BBS9: variants seen among roughly 807,000 people sequenced by gnomAD.
The protein encoded by BBS9 is protein PTHB1.
A neutral mutation model predicts 117.7 loss-of-function variants in BBS9; 89 were observed. The observed-to-expected ratio is 0.76, with a 90% CI of 0.64 to 0.90. BBS9 has a LOEUF of 0.90. Ranked by LOEUF, BBS9 falls within the 40% of genes least tolerant of loss-of-function variation. The probability of loss-of-function intolerance (pLI) is 0.00; values close to 1 mark genes in which losing one functional copy is unlikely to be tolerated. For synonymous variants in BBS9, 379 were observed against 370.9 expected, an observed-to-expected ratio of 1.02 and a Z score of -0.25; for missense variants, 982 against 1,042.2, an observed-to-expected ratio of 0.94 and a Z score of 0.80.
At chr7:33,333,990 G>A (rs1012952031) in intron 9 of BBS9, among the ~76,000 whole-genome samples, 1 of 152,088 alleles carries the variant, frequency 6.6e-6, no homozygotes, top group Non-Finnish European at 1.5e-5. Context: ...AAGACATTCT[G>A]GTGAAATTTG....
chr7:33,190,985 G>C (rs78242945), intron 5 of BBS9, among the ~76,000 whole-genome samples: 1 of 152,192 alleles, frequency 6.6e-6, no homozygotes, highest in Non-Finnish European at 1.5e-5. Context: ...CTTTATTTGC[G>C]TGGTGCTTTG....
chr7:33,247,636 C>G (rs1795551121), intron 5 of BBS9, among the ~76,000 whole-genome samples: 1 of 152,152 alleles, frequency 6.6e-6, no homozygotes, highest in Non-Finnish European at 1.5e-5. Context: ...TATCTCTGTT[C>G]TTACATTGTT....
intron 19 of BBS9, among the ~76,000 whole-genome samples, chr7:33,452,387 A>G (rs1455490222): frequency 6.6e-6 from 1 of 151,956 alleles, no homozygotes. Flanking sequence ...CTTTTCCCTC[A>G]CCAAGAACTA....
intron 4 of BBS9, among the ~76,000 whole-genome samples, chr7:33,164,646 T>C (rs1407434591): frequency 6.6e-6 from 1 of 152,206 alleles, no homozygotes; most frequent in African/African-American, 2.4e-5. Flanking sequence ...GAGACTAGGA[T>C]TGCAACCCCT....
chr7:33,503,058 C>T (rs572191489), intron 19 of BBS9, among the ~76,000 whole-genome samples: 3 of 152,106 alleles, frequency 2.0e-5, no homozygotes, highest in African/African-American at 7.2e-5. Context: ...TGAATTTTAC[C>T]ATTAATCGTT....
At chr7:33,404,002 G>A (rs541387587) in intron 19 of BBS9, among the ~76,000 whole-genome samples, 187 of 152,192 alleles carry the variant, frequency 1.2e-3, no homozygotes, top group African/African-American at 4.3e-3. Context: ...TTTAATGATT[G>A]CCATTCTAAC....
intron 19 of BBS9, among the ~76,000 whole-genome samples, chr7:33,426,779 G>A (rs1342472533): frequency 6.6e-6 from 1 of 152,140 alleles, no homozygotes; most frequent in African/African-American, 2.4e-5. Flanking sequence ...CATTCCATGA[G>A]TGCCTAGTTG....
intron 20 of BBS9, chr7:33,533,676 C>G (rs1850931672): frequency 2.0e-6 from 1 of 490,920 alleles, no homozygotes; most frequent in Non-Finnish European, 3.7e-6. Flanking sequence ...CAGAGCTAAA[C>G]CCTTCTCATA....
At chr7:33,234,699 CCACA>C (rs58160238) in intron 5 of BBS9, among the ~76,000 whole-genome samples, 2 of 149,784 alleles carry the variant, frequency 1.3e-5, no homozygotes, top group South Asian at 2.1e-4. Flanking sequence ...CTCCATCTAT[CCACA>C]CACACACACA....
intron 5 of BBS9, among the ~76,000 whole-genome samples, chr7:33,226,976 C>T (rs1230577824): frequency 6.6e-6 from 1 of 152,060 alleles, no homozygotes; most frequent in Non-Finnish European, 1.5e-5. Flanking sequence ...TGGTGGATTG[C>T]ACAATGCACT....
At chr7:33,173,861 A>G (rs544271940) in intron 4 of BBS9, among the ~76,000 whole-genome samples, 35 of 152,226 alleles carry the variant, frequency 2.3e-4, no homozygotes, top group Admixed American at 2.2e-3. Flanking sequence ...TGGCTCTCAG[A>G]CCTCCTTGGT....
At chr7:33,611,440 A>G (rs1488842446) in intron 21 of BBS9, among the ~76,000 whole-genome samples, 1 of 144,374 alleles carries the variant, frequency 6.9e-6, no homozygotes, top group Non-Finnish European at 1.5e-5. Flanking sequence ...TATCTTCTTT[A>G]ATATTATAAT....
At chr7:33,308,036 G>T (rs116292577) in intron 9 of BBS9, among the ~76,000 whole-genome samples, 1 of 152,172 alleles carries the variant, frequency 6.6e-6, no homozygotes, top group Non-Finnish European at 1.5e-5. Context: ...TCATTGGTGT[G>T]TATGTGTATA....
chr7:33,144,182 C>G (rs964681968), intron 1 of BBS9, among the ~76,000 whole-genome samples: 3 of 152,198 alleles, frequency 2.0e-5, no homozygotes, highest in Non-Finnish European at 4.4e-5. Context: ...TTCAAACTCA[C>G]ACAGGTTGCC....
chr7:33,272,640 T>TTGCCCTATAAAACCTATAAA (rs2128343484), intron 7 of BBS9, among the ~76,000 whole-genome samples: 1 of 152,282 alleles, frequency 6.6e-6, no homozygotes, highest in South Asian at 2.1e-4. Context: ...GATATATTTT[T>TTGCCCTATAAAACCTATAAA]AGTTGCCCTA....
chr7:33,515,415 T>C (rs1451131613), intron 20 of BBS9, among the ~76,000 whole-genome samples: 1 of 152,216 alleles, frequency 6.6e-6, no homozygotes. Context: ...ACGAGCATTG[T>C]TGATGCGGCA....
rs1793987994 is a variant in BBS9, at chr7:33,155,664, T to C, written c.290T>C (p.Val97Ala). The C allele has an allele frequency of 6.3e-7, 1 of 1,576,276 alleles. No homozygotes were observed. Among genetic ancestry groups the C allele is most frequent in the Non-Finnish European group, 8.6e-7 (1 of 1,156,702 alleles). ...GGTACCGAAATGCTACATTTGGCTG[T>C]GTTACATTCTAGAAAACTTTGTGTC... ...VSGTEMLHLA[V>A]LHSRKLCVYS... The change falls in exon 4 of 23, where the codon GTG becomes GCG. Residue 97 changes from valine to alanine, a missense_variant. By Grantham distance (64) the Val-to-Ala change is moderately conservative. Coordinates refer to ENST00000242067, the MANE Select transcript of BBS9 (RefSeq NM_198428.3).
At chr7:33,621,765 A>G (rs935576423) in intron 21 of BBS9, among the ~76,000 whole-genome samples, 10 of 152,346 alleles carry the variant, frequency 6.6e-5, no homozygotes, top group African/African-American at 2.4e-4. Context: ...CAAGGTATGG[A>G]ATTAACCTAA....
intron 19 of BBS9, among the ~76,000 whole-genome samples, chr7:33,430,748 A>G (rs1399372682): frequency 6.6e-6 from 1 of 152,216 alleles, no homozygotes; most frequent in Non-Finnish European, 1.5e-5. Context: ...AATTGAATAA[A>G]CATTTAATAA....
Sources: gnomAD v4.1 joint callset for allele counts (sites outside exome capture counted in the v4.1 genomes callset) on GRCh38, gnomAD v4.1.1 for gene constraint, MANE v1.5 for transcripts, NCBI Gene and HGNC (gene_info 2026-07-23, HGNC 2026-07-21) for gene names.